The following SLIT3 variants were observed in gnomAD, a reference collection of about 807,000 sequenced individuals.
SLIT3 encodes slit guidance ligand 3, also known as slit homolog 3 protein.
In SLIT3, 68 loss-of-function variants were observed where a neutral mutation model predicts 184.0. The observed-to-expected ratio is 0.37, with a 90% CI of 0.30 to 0.45. The LOEUF (loss-of-function observed/expected upper bound fraction) is 0.45, where lower values mean the gene tolerates loss of function less well. SLIT3 is among the 20% of genes least tolerant of loss of function. The pLI is 1.00. For missense variants in SLIT3, 1,707 were observed against 2,026.0 expected (o/e 0.84, Z 3.02); for synonymous variants, 831 against 828.6 (o/e 1.00, Z -0.05).
At chr5:169,148,845 A>T (rs778119663) in intron 4 of SLIT3, among the ~76,000 whole-genome samples, 3 of 152,032 alleles carry the variant, frequency 2.0e-5, no homozygotes, top group Non-Finnish European at 4.4e-5. Context: ...CTGCTCTCCA[A>T]GACAAATCGG....
intron 4 of SLIT3, among the ~76,000 whole-genome samples, chr5:168,997,637 T>G (rs1755560809): frequency 6.6e-6 from 1 of 152,236 alleles, no homozygotes; most frequent in Non-Finnish European, 1.5e-5. Flanking sequence ...GAGACCTCAG[T>G]GGGCCTGGGT....
At chr5:168,833,960 TAGA>T (rs1757961494) in intron 6 of SLIT3, among the ~76,000 whole-genome samples, 1 of 152,208 alleles carries the variant, frequency 6.6e-6, no homozygotes, top group Non-Finnish European at 1.5e-5. Context: ...TTCCAGATGT[TAGA>T]AGAAGTGGTC....
At chr5:169,122,031 G>A (rs1430079315) in intron 4 of SLIT3, among the ~76,000 whole-genome samples, 1 of 152,168 alleles carries the variant, frequency 6.6e-6, no homozygotes, top group African/African-American at 2.4e-5. Context: ...CAAATGTAGG[G>A]GCAACTTCCG....
intron 25 of SLIT3, chr5:168,710,015 C>T (rs896047180): frequency 6.6e-6 from 1 of 152,080 alleles, no homozygotes; most frequent in Non-Finnish European, 1.5e-5. Context: ...TCAGTAATTT[C>T]TATTCTCTGA....
At chr5:168,934,917 C>G (rs975624245) in intron 4 of SLIT3, among the ~76,000 whole-genome samples, 6 of 149,874 alleles carry the variant, frequency 4.0e-5, no homozygotes, top group Non-Finnish European at 8.9e-5. Flanking sequence ...ATCACAAGGT[C>G]AGGAGCTTGA....
At chr5:169,114,323 G>A (rs146201572) in intron 4 of SLIT3, among the ~76,000 whole-genome samples, 8 of 152,198 alleles carry the variant, frequency 5.3e-5, no homozygotes, top group East Asian at 3.8e-4. Flanking sequence ...GAAAGTGCTC[G>A]TATTATCACC....
chr5:168,952,677 A>C (rs574505403), intron 4 of SLIT3, among the ~76,000 whole-genome samples: 1 of 152,142 alleles, frequency 6.6e-6, no homozygotes, highest in South Asian at 2.1e-4. Context: ...AGTGAGAGGA[A>C]ACAAAGAGAG....
At chr5:168,763,891 A>C (rs1755242526) in intron 14 of SLIT3, among the ~76,000 whole-genome samples, 1 of 152,158 alleles carries the variant, frequency 6.6e-6, no homozygotes, top group Admixed American at 6.5e-5. Context: ...CCTGTACATG[A>C]GTATTGGGAA....
At chr5:168,934,748 C>A (rs746541234) in intron 4 of SLIT3, among the ~76,000 whole-genome samples, 1 of 152,124 alleles carries the variant, frequency 6.6e-6, no homozygotes, top group African/African-American at 2.4e-5. Flanking sequence ...AGAACAACAA[C>A]AATACTTGCT....
At chr5:169,249,749 C>T (rs1043303984) in intron 2 of SLIT3, among the ~76,000 whole-genome samples, 1 of 152,256 alleles carries the variant, frequency 6.6e-6, no homozygotes, top group Non-Finnish European at 1.5e-5. Flanking sequence ...AGTCTCGATT[C>T]TGATCCACGC....
chr5:169,149,221 A>G (rs948364132), intron 4 of SLIT3, among the ~76,000 whole-genome samples: 2 of 152,138 alleles, frequency 1.3e-5, no homozygotes, highest in Non-Finnish European at 2.9e-5. Flanking sequence ...AACAGATTTT[A>G]TTTGATTGCT....
intron 20 of SLIT3, among the ~76,000 whole-genome samples, chr5:168,738,121 C>T (rs547195140): frequency 5.3e-5 from 8 of 152,290 alleles, no homozygotes; most frequent in African/African-American, 1.2e-4. Flanking sequence ...CCATAGACCC[C>T]GGGGGTCCCT....
intron 1 of SLIT3, among the ~76,000 whole-genome samples, chr5:169,260,656 G>A (rs530840942): frequency 8.5e-5 from 13 of 152,258 alleles, no homozygotes; most frequent in African/African-American, 2.9e-4. Context: ...TGATCCCTGT[G>A]TAAATAAATC....
At chr5:168,793,829 G>T (rs998915215) in intron 10 of SLIT3, among the ~76,000 whole-genome samples, 5 of 152,080 alleles carry the variant, frequency 3.3e-5, no homozygotes, top group African/African-American at 1.2e-4. Flanking sequence ...AGAGCGGGCT[G>T]GGGAAGCAGG....
chr5:168,672,551 C>T (rs977254773), intron 33 of SLIT3, among the ~76,000 whole-genome samples: 2 of 152,182 alleles, frequency 1.3e-5, no homozygotes, highest in African/African-American at 4.8e-5. Flanking sequence ...TCATGGCTCA[C>T]TGCAGCCCCA....
intron 1 of SLIT3, among the ~76,000 whole-genome samples, chr5:169,296,358 TCTA>T (rs1213354544): frequency 6.6e-6 from 1 of 152,144 alleles, no homozygotes; most frequent in African/African-American, 2.4e-5. Context: ...ATACAAGAAT[TCTA>T]CTTTCATGAA....
chr5:168,746,831 T>C (rs1581032469), intron 20 of SLIT3, among the ~76,000 whole-genome samples: 1 of 80,896 alleles, frequency 1.2e-5, no homozygotes, highest in Non-Finnish European at 2.4e-5. Context: ...AGTGTGGTGG[T>C]GTGGGTGTGG....
chr5:169,145,592 T>C (rs1365575431), intron 4 of SLIT3, among the ~76,000 whole-genome samples: 1 of 152,222 alleles, frequency 6.6e-6, no homozygotes, highest in African/African-American at 2.4e-5. Flanking sequence ...ACAGAGCTAA[T>C]GACCTCAGAT....
rs149936096 is a variant in SLIT3 at position 168,787,163 on chromosome 5, G to A, written c.1080-1185C>T. Among the ~76,000 whole-genome samples, 1,163 of 152,310 alleles carry A rather than the reference G, an allele frequency of 7.6e-3. 9 individuals are homozygous for A. Among genetic ancestry groups the A allele is most frequent in the Non-Finnish European group, 0.011 (777 of 68,018 alleles). ...TTAATGACTAAATAAAAGTCAGCAT[G>A]ATAGCTCAGGCACACATTTGTAATT... is the stretch of plus-strand genomic sequence containing the variant. On this transcript the variant is annotated intron_variant, in intron 11 of 35. Transcript: ENST00000519560.
Sources: allele counts gnomAD v4.1 joint callset (sites outside exome capture counted in the v4.1 genomes callset), GRCh38; gene constraint gnomAD v4.1.1; transcripts MANE v1.5; gene names NCBI Gene and HGNC (gene_info 2026-07-23, HGNC 2026-07-21).